The following LRP1B variants were observed in gnomAD, a reference collection of about 807,000 sequenced individuals.
The protein encoded by LRP1B is low-density lipoprotein receptor-related protein 1B.
LRP1B carries 217 observed loss-of-function variants against 556.6 expected under a neutral mutation model. The observed-to-expected ratio is 0.39, with a 90% confidence interval of 0.35 to 0.44. LRP1B has a LOEUF of 0.44. LRP1B is among the 20% of genes least tolerant of loss of function. The pLI, the probability that LRP1B is intolerant of heterozygous loss-of-function variation, is 1.00. For synonymous variants in LRP1B, 2,047 were observed against 1,865.8 expected, an observed-to-expected ratio of 1.10 and a Z score of -2.50; for missense variants, 5,053 against 5,620.8, an observed-to-expected ratio of 0.90 and a Z score of 3.23.
chr2:141,347,408 T>C (rs187449265), intron 3 of LRP1B, among the ~76,000 whole-genome samples: 2 of 151,602 alleles, frequency 1.3e-5, no homozygotes, highest in African/African-American at 4.9e-5. Flanking sequence ...GAGTTTTGAT[T>C]ATTTTACCCA....
intron 43 of LRP1B, among the ~76,000 whole-genome samples, chr2:140,548,180 A>C (rs1680417141): frequency 6.6e-6 from 1 of 152,166 alleles, no homozygotes; most frequent in African/African-American, 2.4e-5. Flanking sequence ...TCAGATATGA[A>C]GAGACGGGCT....
chr2:141,512,765 T>A (rs902527456), intron 2 of LRP1B, among the ~76,000 whole-genome samples: 1 of 141,626 alleles, frequency 7.1e-6, no homozygotes, highest in Non-Finnish European at 1.6e-5. Context: ...TAGTACATCT[T>A]CAGTTAAAAA....
chr2:141,828,753 A>C (rs1047809172), intron 1 of LRP1B, among the ~76,000 whole-genome samples: 3 of 152,178 alleles, frequency 2.0e-5, no homozygotes, highest in Non-Finnish European at 4.4e-5. Flanking sequence ...TAGGGATGAC[A>C]GTAAATCATC....
intron 3 of LRP1B, among the ~76,000 whole-genome samples, chr2:141,327,942 A>G (rs962253089): frequency 6.6e-6 from 1 of 152,172 alleles, no homozygotes; most frequent in Non-Finnish European, 1.5e-5. Context: ...ACACATCTAT[A>G]TAATGTGATA....
At chr2:141,977,264 A>G (rs1272217260) in intron 1 of LRP1B, among the ~76,000 whole-genome samples, 1 of 152,094 alleles carries the variant, frequency 6.6e-6, no homozygotes, top group Non-Finnish European at 1.5e-5. Context: ...TATAATCCAG[A>G]TCGCTAAACC....
At chr2:141,053,355 G>A (rs905340209) in intron 10 of LRP1B, among the ~76,000 whole-genome samples, 3 of 151,872 alleles carry the variant, frequency 2.0e-5, no homozygotes, top group Admixed American at 6.6e-5. Context: ...ATATCAAGAG[G>A]TGAGGAACAG....
At chr2:141,934,753 C>T (rs1700589797) in intron 1 of LRP1B, among the ~76,000 whole-genome samples, 1 of 152,128 alleles carries the variant, frequency 6.6e-6, no homozygotes. Flanking sequence ...CTTCTTGCTG[C>T]TGCCATGTGA....
At chr2:140,606,241 C>T (rs928486082) in intron 41 of LRP1B, among the ~76,000 whole-genome samples, 2 of 151,694 alleles carry the variant, frequency 1.3e-5, no homozygotes, top group Non-Finnish European at 2.9e-5. Context: ...CTGAAAATGA[C>T]ATTAAAAAGA....
chr2:140,293,115 G>T (rs6735515), intron 84 of LRP1B, among the ~76,000 whole-genome samples: 54,641 of 151,870 alleles, frequency 0.36, 11,377 homozygotes, highest in Non-Finnish European at 0.49. Context: ...GATTACCAGA[G>T]GACTTTGAAA....
chr2:140,949,772 C>T (rs1400105416), intron 20 of LRP1B, among the ~76,000 whole-genome samples: 3 of 151,146 alleles, frequency 2.0e-5, no homozygotes, highest in Non-Finnish European at 3.0e-5. Flanking sequence ...AACCCCGTCC[C>T]TACTAAAAAT....
At chr2:140,459,649 A>ATATTT (rs1338445259) in intron 60 of LRP1B, among the ~76,000 whole-genome samples, 3 of 152,178 alleles carry the variant, frequency 2.0e-5, no homozygotes, top group Non-Finnish European at 4.4e-5. Flanking sequence ...GGCAATTTAT[A>ATATTT]TATTTTATTT....
At chr2:140,463,631 CTG>C (rs1401993757) in intron 60 of LRP1B, among the ~76,000 whole-genome samples, 2 of 152,118 alleles carry the variant, frequency 1.3e-5, no homozygotes, top group African/African-American at 4.8e-5. Flanking sequence ...ACATTTCCAA[CTG>C]TTATGATAGA....
chr2:141,053,139 T>C (rs998903442), intron 10 of LRP1B, among the ~76,000 whole-genome samples: 3 of 152,044 alleles, frequency 2.0e-5, no homozygotes, highest in Non-Finnish European at 4.4e-5. Flanking sequence ...TGTCTTCTTG[T>C]ACTACAGACA....
intron 3 of LRP1B, among the ~76,000 whole-genome samples, chr2:141,441,705 C>T (rs918208939): frequency 1.3e-5 from 2 of 152,140 alleles, no homozygotes; most frequent in African/African-American, 4.8e-5. Flanking sequence ...CCCAGGAACA[C>T]TTCAAGAGAA....
At chr2:142,121,313 C>T (rs77786738) in intron 1 of LRP1B, among the ~76,000 whole-genome samples, 6,569 of 152,172 alleles carry the variant, frequency 0.043, 229 homozygotes, top group Non-Finnish European at 0.058. Context: ...ATCATTTTCA[C>T]CTCTGATTAG....
intron 1 of LRP1B, among the ~76,000 whole-genome samples, chr2:142,129,977 A>G (rs1707791339): frequency 6.6e-6 from 1 of 152,094 alleles, no homozygotes; most frequent in South Asian, 2.1e-4. Flanking sequence ...AAAGCGCCAG[A>G]CTGGAGAGAG....
intron 6 of LRP1B, among the ~76,000 whole-genome samples, chr2:141,210,053 C>T (rs568029212): frequency 6.9e-6 from 1 of 145,886 alleles, no homozygotes; most frequent in South Asian, 2.2e-4. Flanking sequence ...CTATAAGTCA[C>T]AAGATGTTAC....
At chr2:141,160,846 C>CTATATA (rs61683642) in intron 7 of LRP1B, among the ~76,000 whole-genome samples, 2 of 149,460 alleles carry the variant, frequency 1.3e-5, no homozygotes, top group African/African-American at 2.5e-5. Context: ...CAAAATTAAT[C>CTATATA]TATATATATA....
At chr2:140,606,744 AG>A (rs1682881133) in intron 41 of LRP1B, among the ~76,000 whole-genome samples, 1 of 152,004 alleles carries the variant, frequency 6.6e-6, no homozygotes, top group East Asian at 1.9e-4. Context: ...CACATGTAAA[AG>A]AATGATATTT....
Sources: gnomAD v4.1 joint callset for allele counts (sites outside exome capture counted in the v4.1 genomes callset) on GRCh38, gnomAD v4.1.1 for gene constraint, MANE v1.5 for transcripts, NCBI Gene and HGNC (gene_info 2026-07-23, HGNC 2026-07-21) for gene names.